The following TCF12 variants were observed in gnomAD, a reference collection of about 807,000 sequenced individuals.
TCF12 encodes DNA-binding protein HTF4.
A neutral mutation model predicts 86.0 loss-of-function variants in TCF12; 45 were observed. That is an observed-to-expected ratio of 0.52 (90% CI 0.41 to 0.67). The LOEUF (loss-of-function observed/expected upper bound fraction) is 0.67. Among genes scored for constraint, TCF12 ranks in the 30% least tolerant of loss-of-function variants. The probability of loss-of-function intolerance (pLI) is 0.00; values close to 1 mark genes in which losing one functional copy is unlikely to be tolerated. For missense variants in TCF12, 881 were observed against 859.9 expected (o/e 1.02, Z -0.31); for synonymous variants, 330 against 299.6 (o/e 1.10, Z -1.05).
At chr15:57,205,266 G>A (rs1417739929) in intron 8 of TCF12, among the ~76,000 whole-genome samples, 2 of 152,080 alleles carry the variant, frequency 1.3e-5, no homozygotes, top group Non-Finnish European at 2.9e-5. Flanking sequence ...TCACGCCACT[G>A]CACTCCAGCC....
chr15:57,103,075 G>A (rs1033794561), intron 5 of TCF12, among the ~76,000 whole-genome samples: 3 of 152,138 alleles, frequency 2.0e-5, no homozygotes, highest in South Asian at 2.1e-4. Flanking sequence ...AGAGTCTGTC[G>A]AGGGAATCTA....
chr15:57,097,585 C>G (rs2049418001), intron 5 of TCF12, among the ~76,000 whole-genome samples: 1 of 151,896 alleles, frequency 6.6e-6, no homozygotes, highest in African/African-American at 2.4e-5. Flanking sequence ...AATTTCTTCA[C>G]TAGATGAGAT....
intron 3 of TCF12, among the ~76,000 whole-genome samples, chr15:56,958,720 G>A (rs186235602): frequency 1.5e-5 from 2 of 134,214 alleles, no homozygotes; most frequent in East Asian, 5.0e-4. Flanking sequence ...TGTGTGAAGT[G>A]CAATAAGGCT....
chr15:57,184,102 C>T (rs1229406290), intron 6 of TCF12, among the ~76,000 whole-genome samples: 2 of 151,876 alleles, frequency 1.3e-5, no homozygotes, highest in Non-Finnish European at 2.9e-5. Flanking sequence ...CACCACCCTG[C>T]AGACTTAGTC....
intron 12 of TCF12, among the ~76,000 whole-genome samples, chr15:57,240,901 A>AAAAG (rs55742030): frequency 7.2e-6 from 1 of 138,232 alleles, no homozygotes; most frequent in Non-Finnish European, 1.5e-5. Flanking sequence ...AAAAAAAAAA[A>AAAAG]GAAAGGGAAA....
intron 3 of TCF12, among the ~76,000 whole-genome samples, chr15:56,957,386 C>T (rs1418134335): frequency 1.3e-5 from 2 of 152,184 alleles, no homozygotes; most frequent in African/African-American, 4.8e-5. Flanking sequence ...AGTTTTGCCA[C>T]AGCTCACTTC....
At chr15:57,170,686 TATAA>T (rs2055316386) in intron 6 of TCF12, among the ~76,000 whole-genome samples, 3 of 10,208 alleles carry the variant, frequency 2.9e-4, no homozygotes, top group African/African-American at 1.1e-3. Context: ...ATATATTATA[TATAA>T]TATATATTAT....
chr15:57,122,759 A>G (rs1413953313), intron 5 of TCF12, among the ~76,000 whole-genome samples: 4 of 152,228 alleles, frequency 2.6e-5, no homozygotes, highest in Admixed American at 1.3e-4. Flanking sequence ...TTTGGAATGC[A>G]GTATTTAGAA....
chr15:56,978,845 A>G (rs146607636), intron 3 of TCF12, among the ~76,000 whole-genome samples: 3 of 152,336 alleles, frequency 2.0e-5, no homozygotes, highest in Admixed American at 2.0e-4. Context: ...TTCATAAGAA[A>G]TTCTAAAGAT....
chr15:56,984,938 A>T (rs2063110385), intron 3 of TCF12, among the ~76,000 whole-genome samples: 3 of 152,320 alleles, frequency 2.0e-5, no homozygotes, highest in African/African-American at 7.2e-5. Context: ...TGAGGCTGTA[A>T]TGTTGCTTAA....
rs369457093 is a variant in TCF12, at chr15:57,231,276, T to C, written c.685+19T>C. ...ATGCAAGGTAAGTACTACCAAACAATTGCCAAATACTACTGCAGTCATCTG... is the reference window on the plus strand; with the variant it reads ...ATGCAAGGTAAGTACTACCAAACAACTGCCAAATACTACTGCAGTCATCTG... On this transcript the variant is annotated intron_variant, in intron 9 of 20. Transcript: ENST00000333725. The C allele has an allele frequency of 9.4e-5, 144 of 1,525,766 alleles. No individual in the cohort carries two copies. Among genetic ancestry groups the C allele is most frequent in the Non-Finnish European group, 1.2e-4 (135 of 1,100,120 alleles). The allele number at this position is 1,525,766 out of a possible 1,614,324, so 94.5% of individuals were successfully genotyped here.
chr15:57,067,291 A>G (rs531711576), intron 4 of TCF12, among the ~76,000 whole-genome samples: 1 of 152,274 alleles, frequency 6.6e-6, no homozygotes, highest in South Asian at 2.1e-4. Context: ...CTGTAATCCC[A>G]GCACTTTGGG....
At chr15:57,020,800 G>A (rs1288249702) in intron 3 of TCF12, among the ~76,000 whole-genome samples, 1 of 152,124 alleles carries the variant, frequency 6.6e-6, no homozygotes, top group Non-Finnish European at 1.5e-5. Context: ...CTTTCTTTTA[G>A]TTAATCAGGG....
chr15:57,178,965 G>C (rs561796516), intron 6 of TCF12, among the ~76,000 whole-genome samples: 5 of 151,652 alleles, frequency 3.3e-5, no homozygotes, highest in African/African-American at 1.2e-4. Flanking sequence ...TGTCTGTATT[G>C]ATCTACATCC....
intron 5 of TCF12, among the ~76,000 whole-genome samples, chr15:57,101,036 T>G (rs1396096063): frequency 2.0e-5 from 3 of 152,142 alleles, no homozygotes; most frequent in African/African-American, 4.8e-5. Context: ...AATTCACCAT[T>G]TTTGTAATCT....
At chr15:56,965,961 G>A (rs571247696) in intron 3 of TCF12, among the ~76,000 whole-genome samples, 15 of 152,190 alleles carry the variant, frequency 9.9e-5, no homozygotes, top group East Asian at 1.9e-4. Context: ...TATTGCAATT[G>A]TATTTTATTT....
intron 8 of TCF12, among the ~76,000 whole-genome samples, chr15:57,221,217 A>T (rs769456153): frequency 6.6e-5 from 10 of 152,192 alleles, no homozygotes; most frequent in Admixed American, 5.2e-4. Context: ...CTGCCCATAT[A>T]AGCAGAGCTT....
chr15:56,951,423 T>A (rs1266398519), intron 3 of TCF12, among the ~76,000 whole-genome samples: 5 of 152,236 alleles, frequency 3.3e-5, no homozygotes, highest in African/African-American at 1.2e-4. Flanking sequence ...GTTTTGAGAT[T>A]TCTTTATGTA....
At chr15:57,219,702 G>A in intron 8 of TCF12, 1 of 529,524 alleles carries the variant, frequency 1.9e-6, no homozygotes, top group Non-Finnish European at 3.1e-6. Context: ...TTTATGCAAT[G>A]TATTAGATTG....
Sources: allele counts gnomAD v4.1 joint callset (sites outside exome capture counted in the v4.1 genomes callset), GRCh38; gene constraint gnomAD v4.1.1; transcripts MANE v1.5; gene names NCBI Gene and HGNC (gene_info 2026-07-23, HGNC 2026-07-21).